PRKN: variants seen among roughly 807,000 people sequenced by gnomAD.
PRKN encodes the protein E3 ubiquitin-protein ligase parkin.
Under a neutral mutation model 59.5 loss-of-function variants are expected in PRKN, and 56 were observed. That is an observed-to-expected ratio of 0.94 (90% CI 0.76 to 1.18). The LOEUF (loss-of-function observed/expected upper bound fraction) is 1.18, where lower values mean the gene tolerates loss of function less well. Ranked by LOEUF, PRKN falls within the 50% of genes most tolerant of loss-of-function variation. The pLI is 0.00. For synonymous variants in PRKN, 250 were observed against 222.1 expected, an observed-to-expected ratio of 1.13 and a Z score of -1.12; for missense variants, 657 against 596.4, an observed-to-expected ratio of 1.10 and a Z score of -1.06.
At chr6:161,921,813 G>A (rs1200866398) in intron 6 of PRKN, among the ~76,000 whole-genome samples, 4 of 152,184 alleles carry the variant, frequency 2.6e-5, no homozygotes, top group Admixed American at 6.5e-5. Context: ...TTGGTAGAAC[G>A]TCATCCTCTG....
intron 1 of PRKN, among the ~76,000 whole-genome samples, chr6:162,557,304 G>T (rs563877271): frequency 6.6e-6 from 1 of 152,092 alleles, no homozygotes; most frequent in African/African-American, 2.4e-5. Context: ...GAACAAACAC[G>T]CTGGAGTCAG....
In PRKN at chr6:161,466,087, T is replaced by C. The variant is rs1037208932; in HGVS notation, c.1084-79210A>G. Among the ~76,000 whole-genome samples, 2 of 152,186 alleles carry C rather than the reference T, an allele frequency of 1.3e-5. No homozygotes were observed. The highest frequency in any genetic ancestry group is 4.8e-5 in the African/African-American group (2 of 41,446). On this transcript the variant is annotated intron_variant, in intron 9 of 11. Coordinates refer to ENST00000366898, the MANE Select transcript of PRKN (RefSeq NM_004562.3). This position sits in a 1 kb window ranked among gnomAD's most constrained non-coding sequence, Gnocchi z 5.0. ...TTGTGTGTGTGTGTGTGTGTGTCTG[T>C]GTGGGGAGGACACTTAAGACCTAGT...
At chr6:161,743,857 T>C (rs1224155379) in intron 7 of PRKN, among the ~76,000 whole-genome samples, 2 of 152,216 alleles carry the variant, frequency 1.3e-5, no homozygotes, top group Non-Finnish European at 2.9e-5. Flanking sequence ...TGGTCAATTC[T>C]GTTGGAGGCT....
intron 1 of PRKN, among the ~76,000 whole-genome samples, chr6:162,564,321 G>C (rs1441202688): frequency 1.3e-5 from 2 of 151,710 alleles, no homozygotes; most frequent in Non-Finnish European, 2.9e-5. Context: ...CTCCAGCCTG[G>C]CAATAGAGCA....
chr6:162,065,717 C>T (rs978628411), intron 4 of PRKN, among the ~76,000 whole-genome samples: 12 of 152,150 alleles, frequency 7.9e-5, no homozygotes, highest in African/African-American at 2.7e-4. Flanking sequence ...CCATCCCTCC[C>T]CCAGCCCTCC....
In PRKN at chr6:162,348,112, A is replaced by T. The variant is rs80222975; in HGVS notation, c.172-85347T>A. ...TAAAAAGAACCTACCCAAAAGGATT[A>T]GAGATAACAGTGTCAGGGACCCACG... is the stretch of plus-strand genomic sequence containing the variant. On this transcript the variant is annotated intron_variant, in intron 2 of 11. Coordinates refer to ENST00000366898, the MANE Select transcript of PRKN (RefSeq NM_004562.3). 2.5e-3 allele frequency among the ~76,000 whole-genome samples: 383 copies of T among 152,322 alleles called. 1 individual carries two copies. The highest frequency in any genetic ancestry group is 8.7e-3 in the African/African-American group (360 of 41,578).
At chr6:161,540,479 T>A (rs1779578272) in intron 9 of PRKN, among the ~76,000 whole-genome samples, 1 of 152,184 alleles carries the variant, frequency 6.6e-6, no homozygotes, top group South Asian at 2.1e-4. Context: ...TAAATTGTAG[T>A]CTCAAAAATA....
intron 7 of PRKN, among the ~76,000 whole-genome samples, chr6:161,707,505 T>C (rs1786552525): frequency 1.3e-5 from 2 of 152,198 alleles, no homozygotes; most frequent in African/African-American, 4.8e-5. Context: ...GGCTCATAAA[T>C]GCTCTACATC....
intron 7 of PRKN, among the ~76,000 whole-genome samples, chr6:161,656,812 C>G (rs1228176525): frequency 1.3e-5 from 2 of 152,130 alleles, no homozygotes; most frequent in Non-Finnish European, 1.5e-5. Flanking sequence ...TTGATTTGTT[C>G]TCATGTTTAT....
At chr6:162,554,958 C>T (rs921752364) in intron 1 of PRKN, among the ~76,000 whole-genome samples, 2 of 152,176 alleles carry the variant, frequency 1.3e-5, no homozygotes, top group Admixed American at 6.5e-5. Context: ...TTCTGTGCTA[C>T]ACCTATTATA....
At chr6:161,384,534 C>T (rs755869566) in intron 10 of PRKN, among the ~76,000 whole-genome samples, 3 of 152,156 alleles carry the variant, frequency 2.0e-5, no homozygotes, top group Non-Finnish European at 2.9e-5. Context: ...CACAGTGAGA[C>T]CCTGGTTCAA....
intron 4 of PRKN, among the ~76,000 whole-genome samples, chr6:162,057,829 A>G (rs1259034646): frequency 6.6e-6 from 1 of 152,122 alleles, no homozygotes; most frequent in Admixed American, 6.5e-5. Context: ...ATTTGTTTCT[A>G]TTTTCTGGAT....
intron 6 of PRKN, among the ~76,000 whole-genome samples, chr6:161,936,340 C>G (rs1355106375): frequency 6.6e-6 from 1 of 151,758 alleles, no homozygotes; most frequent in Admixed American, 6.6e-5. Context: ...TCCCAAGCAG[C>G]TGGGGACTAC....
At chr6:162,253,279 A>AATCTAATCT (rs1779511397) in intron 3 of PRKN, among the ~76,000 whole-genome samples, 33 of 149,528 alleles carry the variant, frequency 2.2e-4, no homozygotes, top group African/African-American at 6.7e-4. Flanking sequence ...AACAGGCAAC[A>AATCTAATCT]AATCTAATCT....
At chr6:162,095,629 C>G (rs1779692795) in intron 4 of PRKN, among the ~76,000 whole-genome samples, 1 of 152,078 alleles carries the variant, frequency 6.6e-6, no homozygotes, top group South Asian at 2.1e-4. Flanking sequence ...CTGATACCTG[C>G]CTAAATATCT....
At chr6:162,092,784 T>A (rs924169892) in intron 4 of PRKN, among the ~76,000 whole-genome samples, 1 of 152,222 alleles carries the variant, frequency 6.6e-6, no homozygotes, top group African/African-American at 2.4e-5. Flanking sequence ...AACATGTTTA[T>A]GGGTTCTTTT....
rs748892763 is a variant in PRKN, at chr6:162,262,626, C to G, written c.311G>C (p.Arg104Pro). The G allele has an allele frequency of 2.5e-6, 4 of 1,613,862 alleles. No homozygotes were observed. Among genetic ancestry groups the G allele is most frequent in the Middle Eastern group, 3.3e-4 (2 of 6,062 alleles). Residue 104 changes from arginine (R) to proline (P), a missense_variant, in exon 3 of 12, where the codon CGG (arginine) becomes CCG (proline). Coordinates refer to ENST00000366898, the MANE Select transcript of PRKN (RefSeq NM_004562.3). ...GAGGACTGAGCTGCTGAGGTCCACC[C>G]GAGTCAAGCTCTGGGGCTCCCGCTC... ...GCEREPQSLT[R>P]VDLSSSVLPG...
chr6:162,244,200 A>G (rs1779108462), intron 3 of PRKN, among the ~76,000 whole-genome samples: 2 of 152,086 alleles, frequency 1.3e-5, no homozygotes, highest in African/African-American at 4.8e-5. Flanking sequence ...TGTACCTTAA[A>G]TTCAAGAGGC....
intron 1 of PRKN, among the ~76,000 whole-genome samples, chr6:162,681,098 C>T (rs1447864376): frequency 3.9e-5 from 6 of 152,174 alleles, no homozygotes; most frequent in Non-Finnish European, 7.3e-5. Context: ...CAGGAAGACT[C>T]CTCTGTGCTC....
Sources: allele counts gnomAD v4.1 joint callset (sites outside exome capture counted in the v4.1 genomes callset), GRCh38; gene constraint gnomAD v4.1.1; non-coding constraint Gnocchi (gnomAD v3.1); transcripts MANE v1.5; gene names NCBI Gene and HGNC (gene_info 2026-07-23, HGNC 2026-07-21).